AGBL3: variants seen among roughly 807,000 people sequenced by gnomAD.
AGBL3 encodes cytosolic carboxypeptidase 3.
AGBL3 carries 68 observed loss-of-function variants against 94.5 expected under a neutral mutation model. That is an observed-to-expected ratio of 0.72 (90% CI 0.59 to 0.88). The LOEUF (loss-of-function observed/expected upper bound fraction) is 0.88, where lower values mean the gene tolerates loss of function less well. Among genes scored for constraint, AGBL3 ranks in the 40% least tolerant of loss-of-function variants. The probability of loss-of-function intolerance (pLI) is 0.00; values close to 1 mark genes in which losing one functional copy is unlikely to be tolerated. For missense variants in AGBL3, 934 were observed against 1,103.8 expected (o/e 0.85, Z 2.18); for synonymous variants, 354 against 370.7 (o/e 0.95, Z 0.52).
At chr7:135,065,924 T>C (rs993508625) in intron 12 of AGBL3, among the ~76,000 whole-genome samples, 1 of 151,984 alleles carries the variant, frequency 6.6e-6, no homozygotes, top group Non-Finnish European at 1.5e-5. Flanking sequence ...AAACTGGATA[T>C]ATACATAAAA....
chr7:135,044,167 C>A lies in AGBL3; in HGVS notation c.1627+16C>A. On this transcript the variant is annotated intron_variant, in intron 9 of 16. Coordinates refer to ENST00000436302, the MANE Select transcript of AGBL3 (RefSeq NM_178563.4). ...TCTACTCTGGGTAAGACCAAGGGTT[C>A]TCATTCACAGCTCTCAAAGCTTTAA... The A allele has an allele frequency of 1.3e-6, 2 of 1,539,150 alleles. No homozygotes were observed. Among genetic ancestry groups the A allele is most frequent in the Non-Finnish European group, 1.8e-6 (2 of 1,140,494 alleles).
intron 15 of AGBL3, among the ~76,000 whole-genome samples, chr7:135,084,616 T>C (rs933042741): frequency 6.6e-6 from 1 of 152,206 alleles, no homozygotes; most frequent in Non-Finnish European, 1.5e-5. Flanking sequence ...GTGGCTGGCT[T>C]ATTTCACTTA....
At chr7:135,083,962 T>G (rs1265001354) in intron 15 of AGBL3, among the ~76,000 whole-genome samples, 3 of 151,882 alleles carry the variant, frequency 2.0e-5, no homozygotes, top group African/African-American at 7.3e-5. Context: ...CTTTGCAAGT[T>G]ACCACTATGG....
At position 135,135,193 on chromosome 7, in the gene AGBL3, A is replaced by C; in HGVS notation, c.2695A>C (p.Lys899Gln). 6.5e-7 allele frequency: 1 copy of C among 1,548,348 alleles called. No homozygotes were observed. The highest frequency in any genetic ancestry group is 8.7e-7 in the Non-Finnish European group (1 of 1,145,818). ...KHTALHLTKN[K>Q]DEQANKNDGQ... ...TACAGCCCTCCATCTAACTAAAAAT[A>C]AGGATGAGCAGGCCAATAAGAATGA... Residue 899 changes from lysine to glutamine, a missense_variant, in exon 17 of 17, where the codon AAG (lysine) becomes CAG (glutamine). By Grantham distance (53) the Lys-to-Gln change is moderately conservative. Coordinates refer to ENST00000436302, the MANE Select transcript of AGBL3 (RefSeq NM_178563.4).
intron 15 of AGBL3, among the ~76,000 whole-genome samples, chr7:135,088,555 T>C (rs1821517783): frequency 6.6e-6 from 1 of 152,246 alleles, no homozygotes; most frequent in South Asian, 2.1e-4. Context: ...AGATTATTTC[T>C]TGTAAGACCA....
rs1179077009 is a variant in AGBL3 at position 135,109,045 on chromosome 7, G to A, written c.2111-6335G>A. Among the ~76,000 whole-genome samples the A allele has an allele frequency of 2.8e-5, 4 of 140,448 alleles. No individual in the cohort carries two copies. In the Admixed American group the frequency reaches 2.9e-4, roughly 10 times the overall value. 92.1% of individuals were successfully genotyped at this position (140,448 alleles called of 152,430 possible). A position where few individuals can be genotyped will look rare whatever the true frequency, so the allele number is the denominator to read the frequency against. The stretch of plus-strand genomic sequence containing the variant: ...TTTATAGCTCTATAAGATCAGTTAG[G>A]TTCTTTTTTATACTGCCTATTTTGT... On this transcript the variant is annotated intron_variant, in intron 15 of 16. Transcript: ENST00000436302.
At chr7:135,099,749 C>A (rs1406207428) in intron 15 of AGBL3, among the ~76,000 whole-genome samples, 1 of 152,134 alleles carries the variant, frequency 6.6e-6, no homozygotes, top group Non-Finnish European at 1.5e-5. Flanking sequence ...CAGTTTTATA[C>A]ACAGTGCCCC....
intron 15 of AGBL3, chr7:135,093,821 T>C (rs1231516243): frequency 2.6e-5 from 4 of 152,150 alleles, no homozygotes; most frequent in Non-Finnish European, 5.9e-5. Flanking sequence ...AAGAACAATG[T>C]TTAAGGATTC....
chr7:135,061,383 A>G (rs12534571), intron 12 of AGBL3, among the ~76,000 whole-genome samples: 2,945 of 152,126 alleles, frequency 0.019, 44 homozygotes, highest in Non-Finnish European at 0.03. Flanking sequence ...AAGGCTTTTT[A>G]GTTTGATGTA....
Position 135,037,408 on chromosome 7 carries a change from T to C in AGBL3, c.1338-10T>C, listed in dbSNP as rs1353017248. The C allele has an allele frequency of 6.5e-7, 1 of 1,536,858 alleles. No homozygotes were observed. The highest frequency in any genetic ancestry group is 8.8e-7 in the Non-Finnish European group (1 of 1,142,004). On this transcript the variant is annotated splice_polypyrimidine_tract_variant and intron_variant, in intron 7 of 16. Coordinates refer to ENST00000436302, the MANE Select transcript of AGBL3 (RefSeq NM_178563.4). ...GATAAAAGTTAGTAACTTATCTTTC[T>C]TCCTGGCAGACTGATGGAGAAACGA...
In AGBL3 at chr7:135,017,179, T is replaced by C; in HGVS notation, c.418+20T>C. Reference sequence around the variant, plus strand: ...AAGATGGTGAGCACATAATGACACATGTTGCTGTAAAATATAATTTGGTAC... The same window carrying C: ...AAGATGGTGAGCACATAATGACACACGTTGCTGTAAAATATAATTTGGTAC... On this transcript the variant is annotated intron_variant, in intron 5 of 16. Coordinates refer to ENST00000436302, the MANE Select transcript of AGBL3 (RefSeq NM_178563.4). The C allele has an allele frequency of 6.9e-7, 1 of 1,450,500 alleles. No homozygotes were observed. 89.9% of individuals were successfully genotyped at this position (1,450,500 alleles called of 1,614,324 possible). A position where few individuals can be genotyped will look rare whatever the true frequency, so the allele number is the denominator to read the frequency against.
chr7:134,996,481 C>T (rs1811025448), intron 4 of AGBL3, among the ~76,000 whole-genome samples: 1 of 104,450 alleles, frequency 9.6e-6, no homozygotes, highest in South Asian at 4.3e-4. Flanking sequence ...CAAAGCTGGA[C>T]AGCCAGAATT....
intron 13 of AGBL3, among the ~76,000 whole-genome samples, chr7:135,078,505 A>AT (rs35073863): frequency 2.2e-4 from 34 of 151,564 alleles, no homozygotes; most frequent in African/African-American, 5.6e-4. Flanking sequence ...TTGTTAGGGG[A>AT]TTTTTTTTTA....
chr7:135,124,280 CAAAATCAA>C (rs1827553037), intron 16 of AGBL3, among the ~76,000 whole-genome samples: 1 of 149,606 alleles, frequency 6.7e-6, no homozygotes, highest in South Asian at 2.1e-4. Context: ...TTTAAACCAA[CAAAATCAA>C]AAAAGACAAA....
At chr7:135,019,512 A>C (rs1814184851) in intron 5 of AGBL3, among the ~76,000 whole-genome samples, 1 of 151,376 alleles carries the variant, frequency 6.6e-6, no homozygotes, top group Admixed American at 6.6e-5. Flanking sequence ...TTTTTTTGTG[A>C]ATGGTTTGTG....
intron 15 of AGBL3, among the ~76,000 whole-genome samples, chr7:135,096,607 A>C (rs1412871018): frequency 8.1e-6 from 1 of 123,228 alleles, no homozygotes; most frequent in African/African-American, 2.8e-5. Context: ...ATAGATAGAT[A>C]GATAGATAGA....
In AGBL3 at chr7:135,032,893, A is replaced by C. The variant is rs1332137037; in HGVS notation, c.468A>C (p.Thr156=). ...ATTCCCGAGTTGGGGGTAACCGAAC[A>C]CCTTTGAAGCAGCCTGTGGATTACC... ...FVYSRVGGNR[T]PLKQPVDYRD... is the part of the protein sequence containing the mutation. The change falls in exon 6 of 17, where the codon ACA becomes ACC. Residue 156 remains threonine, a synonymous_variant. Coordinates refer to ENST00000436302, the MANE Select transcript of AGBL3 (RefSeq NM_178563.4). 6.4e-7 allele frequency: 1 copy of C among 1,551,216 alleles called. No individual in the cohort carries two copies. The highest frequency in any genetic ancestry group is 1.4e-5 in the African/African-American group (1 of 72,990).
intron 5 of AGBL3, among the ~76,000 whole-genome samples, chr7:135,022,850 T>G (rs1285213106): frequency 3.3e-5 from 5 of 152,118 alleles, no homozygotes; most frequent in African/African-American, 9.7e-5. Flanking sequence ...AATATATAAT[T>G]ATTGTTGTTG....
intron 4 of AGBL3, chr7:135,009,917 T>C (rs1812896073): frequency 8.3e-6 from 3 of 362,830 alleles, no homozygotes; most frequent in South Asian, 6.2e-5. Context: ...TTTCGCAGAC[T>C]TTGGAGCATT....
Sources: gnomAD v4.1 joint callset for allele counts (sites outside exome capture counted in the v4.1 genomes callset) on GRCh38, gnomAD v4.1.1 for gene constraint, MANE v1.5 for transcripts, NCBI Gene and HGNC (gene_info 2026-07-23, HGNC 2026-07-21) for gene names.